The following SNED1 variants were observed in gnomAD, a reference collection of about 807,000 sequenced individuals.
The protein encoded by SNED1 is sushi, nidogen and EGF-like domain-containing protein 1.
In SNED1, 81 loss-of-function variants were observed where a neutral mutation model predicts 166.7. The observed-to-expected ratio is 0.49, with a 90% confidence interval of 0.41 to 0.58. The LOEUF is 0.58. Ranked by LOEUF, SNED1 falls within the 20% of genes least tolerant of loss-of-function variation. The pLI is 0.00. For missense variants in SNED1, 1,604 were observed against 2,000.2 expected (o/e 0.80, Z 3.78); for synonymous variants, 762 against 822.0 (o/e 0.93, Z 1.25).
intron 31 of SNED1, chr2:241,089,912 A>G (rs1025747424): frequency 3.2e-5 from 49 of 1,528,238 alleles, no homozygotes; most frequent in South Asian, 5.0e-5. Context: ...CACAGTGCCA[A>G]GTGTGTGTGT....
At chr2:241,031,692 G>T (rs574171525) in intron 2 of SNED1, among the ~76,000 whole-genome samples, 115 of 152,324 alleles carry the variant, frequency 7.5e-4, no homozygotes, top group Non-Finnish European at 1.8e-4. Flanking sequence ...GCTCTAGTCC[G>T]CCCTGTCCCC....
At chr2:241,074,554 G>A (rs2062928308) in intron 27 of SNED1, 1 of 152,126 alleles carries the variant, frequency 6.6e-6, no homozygotes, top group Non-Finnish European at 1.5e-5. Context: ...ACCCTCCTGG[G>A]TCTCTTCAGC....
chr2:241,065,102 G>C (rs114816306), intron 20 of SNED1, 145 bp downstream of exon 20: 1 of 815,634 alleles, frequency 1.2e-6, no homozygotes, highest in African/African-American at 1.7e-5. Context: ...AAAATCCCCC[G>C]GTGGGCTTGA....
intron 27 of SNED1, among the ~76,000 whole-genome samples, chr2:241,078,091 G>A (rs562587928): frequency 7.9e-4 from 121 of 152,220 alleles, no homozygotes; most frequent in African/African-American, 2.6e-3. Flanking sequence ...ATCAACTAAC[G>A]AAAGGAAAAG....
chr2:241,008,675 C>T (rs528319428), intron 1 of SNED1, among the ~76,000 whole-genome samples: 2 of 152,364 alleles, frequency 1.3e-5, no homozygotes, highest in African/African-American at 4.8e-5. Context: ...GCAAGTCATT[C>T]ATTCAGCCAG....
Position 241,018,108 on chromosome 2 carries a change from G to A in SNED1, c.214-12176G>A, listed in dbSNP as rs1314387981. 2.0e-5 allele frequency among the ~76,000 whole-genome samples: 3 copies of A among 152,282 alleles called. No homozygotes were observed. Among genetic ancestry groups the A allele is most frequent in the South Asian group, 2.1e-4 (1 of 4,826 alleles). Reference sequence around the variant, plus strand: ...CTCCCTCCCAGGTAACACGCAACCCGAGTAGCTCTGTCTGAGAACCGCCAT... The same window carrying A: ...CTCCCTCCCAGGTAACACGCAACCCAAGTAGCTCTGTCTGAGAACCGCCAT... On this transcript the variant is annotated intron_variant, in intron 1 of 31. Transcript: ENST00000310397. This position sits in a 1 kb window ranked among gnomAD's most constrained non-coding sequence, Gnocchi z 5.4.
chr2:241,050,544 G>A (rs2061805544), intron 12 of SNED1, among the ~76,000 whole-genome samples: 1 of 152,176 alleles, frequency 6.6e-6, no homozygotes, highest in Non-Finnish European at 1.5e-5. Context: ...GGACTGGTGT[G>A]GAGCCTTCCA....
intron 16 of SNED1, among the ~76,000 whole-genome samples, chr2:241,062,183 A>T (rs1394209546): frequency 1.3e-5 from 2 of 152,214 alleles, no homozygotes; most frequent in Non-Finnish European, 2.9e-5. Context: ...AAGACAAGGA[A>T]ATTATAAACC....
chr2:241,072,651 G>T (rs1026659578), intron 26 of SNED1: 23 of 218,608 alleles, frequency 1.1e-4, no homozygotes, highest in African/African-American at 4.7e-4. Flanking sequence ...CCTGCCGCAC[G>T]GTGAGCAGGG....
At chr2:241,078,382 CAAAA>C (rs60965517) in intron 27 of SNED1, among the ~76,000 whole-genome samples, 15 of 116,172 alleles carry the variant, frequency 1.3e-4, no homozygotes, top group East Asian at 9.6e-4. Flanking sequence ...GACTCCGTCT[CAAAA>C]AAAAAAAAAA....
At chr2:241,046,095 C>T (rs2061639295) in intron 8 of SNED1, among the ~76,000 whole-genome samples, 1 of 151,974 alleles carries the variant, frequency 6.6e-6, no homozygotes, top group Non-Finnish European at 1.5e-5. Context: ...TAGTGAAATG[C>T]AAATAAAAGC....
rs79828834 is a variant in SNED1, at chr2:241,064,265, T to G, written c.2599+140T>G. 0.098 allele frequency: 60,188 copies of G among 614,556 alleles called. 6,360 individuals are homozygous for G. Among genetic ancestry groups the G allele is most frequent in the East Asian group, 0.31 (10,315 of 32,774 alleles). 38.1% of individuals were successfully genotyped at this position (614,556 alleles called of 1,614,324 possible). Reference sequence around the variant, plus strand: ...CGCCCTCTGCCCGCCGCCTTGGAAGTCCCCTTCTCAGGCCAGTGGCCCTCC... The same window carrying G: ...CGCCCTCTGCCCGCCGCCTTGGAAGGCCCCTTCTCAGGCCAGTGGCCCTCC... On this transcript the variant is annotated intron_variant, in intron 19 of 31. Coordinates refer to ENST00000310397, the MANE Select transcript of SNED1 (RefSeq NM_001080437.3). The surrounding 1 kb of genome is among the most constrained non-coding windows in gnomAD (Gnocchi z 7.0).
At chr2:241,055,337 G>A (rs73110184) in intron 16 of SNED1, among the ~76,000 whole-genome samples, 179 of 152,244 alleles carry the variant, frequency 1.2e-3, no homozygotes, top group African/African-American at 3.8e-3. Context: ...AGTAAAATAC[G>A]AGAATATCCT....
chr2:241,049,185 C>CA, intron 11 of SNED1, 50 bp downstream of exon 11: 1 of 1,447,802 alleles, frequency 6.9e-7, no homozygotes, highest in Non-Finnish European at 9.6e-7. Context: ...GGACAGAAGC[C>CA]AGGGAGAAAG....
chr2:241,053,126 T>C lies in SNED1; in HGVS notation c.2084-27T>C, dbSNP rs760064869. On this transcript the variant is annotated intron_variant, in intron 15 of 31. Coordinates refer to ENST00000310397, the MANE Select transcript of SNED1 (RefSeq NM_001080437.3). ...GAGGGGCCAGGAAGGCACAGGACCG[T>C]GCGAGACAGGCTGCCGTGCCTTGCA... 14 of 1,597,846 alleles carry C rather than the reference T, an allele frequency of 8.8e-6. No homozygotes were observed. The South Asian group carries it at 1.5e-4, about 17-fold the overall frequency.
intron 21 of SNED1, among the ~76,000 whole-genome samples, chr2:241,066,756 C>T (rs374730519): frequency 1.3e-5 from 2 of 152,098 alleles, no homozygotes; most frequent in Non-Finnish European, 2.9e-5. Context: ...AGGAGCTCGG[C>T]GGTTCTCACA....
rs2060493018 is a variant in SNED1 at position 241,013,872 on chromosome 2, G to A, written c.213+14822G>A. Among the ~76,000 whole-genome samples the A allele has an allele frequency of 6.6e-6, 1 of 152,160 alleles. No homozygotes were observed. Among genetic ancestry groups the A allele is most frequent in the African/African-American group, 2.4e-5 (1 of 41,438 alleles). On this transcript the variant is annotated intron_variant, in intron 1 of 31. Coordinates refer to ENST00000310397, the MANE Select transcript of SNED1 (RefSeq NM_001080437.3). The surrounding 1 kb of genome is among the most constrained non-coding windows in gnomAD (Gnocchi z 4.6). ...TAGGTTGAGTCTATATCTTGCTTAT[G>A]GGAGTGCAGCTATTCTATGAGATAC...
At chr2:241,019,896 T>C (rs908622821) in intron 1 of SNED1, among the ~76,000 whole-genome samples, 2 of 152,080 alleles carry the variant, frequency 1.3e-5, no homozygotes, top group African/African-American at 4.8e-5. Context: ...ATTTTCAGCT[T>C]TTCAGGCCAC....
intron 6 of SNED1, among the ~76,000 whole-genome samples, chr2:241,039,232 G>A (rs746935555): frequency 3.9e-5 from 6 of 152,186 alleles, no homozygotes; most frequent in Non-Finnish European, 7.3e-5. Context: ...TGGGGTCAGG[G>A]AGACAGGGAT....
Sources: gnomAD v4.1 joint callset for allele counts (sites outside exome capture counted in the v4.1 genomes callset) on GRCh38, gnomAD v4.1.1 for gene constraint, Gnocchi (gnomAD v3.1) non-coding constraint, MANE v1.5 for transcripts, NCBI Gene and HGNC (gene_info 2026-07-23, HGNC 2026-07-21) for gene names.